The following SHQ1 variants were observed in gnomAD, a reference collection of about 807,000 sequenced individuals.
The protein encoded by SHQ1 is SHQ1, H/ACA ribonucleoprotein assembly factor, also known as protein SHQ1 homolog.
In SHQ1, 49 loss-of-function variants were observed where a neutral mutation model predicts 53.8. The observed-to-expected ratio is 0.91, with a 90% CI of 0.72 to 1.16. SHQ1 has a LOEUF of 1.16. Among genes scored for constraint, SHQ1 ranks in the 50% most tolerant of loss-of-function variants. The pLI, the probability that SHQ1 is intolerant of heterozygous loss-of-function variation, is 0.00. For synonymous variants in SHQ1, 243 were observed against 251.0 expected (o/e 0.97, Z 0.30); for missense variants, 738 against 683.1 (o/e 1.08, Z -0.90).
chr3:72,783,999 C>G (rs142479235), intron 10 of SHQ1, among the ~76,000 whole-genome samples: 1 of 151,956 alleles, frequency 6.6e-6, no homozygotes, highest in Non-Finnish European at 1.5e-5. Flanking sequence ...CATCAATATT[C>G]GTTCATTAAT....
chr3:72,728,515 T>C, the SHQ1 span, among the ~76,000 whole-genome samples: 34 of 152,294 alleles, frequency 2.2e-4, no homozygotes, highest in African/African-American at 8.2e-4. Flanking sequence ...AGTCTACATC[T>C]GAGGCATACC....
intron 9 of SHQ1, among the ~76,000 whole-genome samples, chr3:72,803,172 G>A (rs999268099): frequency 2.0e-5 from 3 of 152,136 alleles, no homozygotes; most frequent in African/African-American, 7.2e-5. Flanking sequence ...GACATGCTAT[G>A]GCTCTTACAG....
At chr3:72,844,764 T>A (rs1450960273) in intron 1 of SHQ1, among the ~76,000 whole-genome samples, 1 of 152,220 alleles carries the variant, frequency 6.6e-6, no homozygotes, top group Non-Finnish European at 1.5e-5. Context: ...TGAAACTTTT[T>A]GAGCACCAAC....
At chr3:72,814,768 C>T (rs1431299432) in intron 8 of SHQ1, among the ~76,000 whole-genome samples, 1 of 151,894 alleles carries the variant, frequency 6.6e-6, no homozygotes, top group African/African-American at 2.4e-5. Context: ...TTTTCAGAAA[C>T]CAGAAACATT....
intron 1 of SHQ1, among the ~76,000 whole-genome samples, chr3:72,847,051 G>C (rs1708358226): frequency 6.6e-6 from 1 of 152,038 alleles, no homozygotes; most frequent in African/African-American, 2.4e-5. Flanking sequence ...CCACAATTAA[G>C]TACACTGTTT....
intron 5 of SHQ1, among the ~76,000 whole-genome samples, chr3:72,825,389 CA>C (rs1559691716): frequency 1.3e-5 from 2 of 151,898 alleles, no homozygotes; most frequent in African/African-American, 2.4e-5. Flanking sequence ...CACACACACA[CA>C]CACACACACC....
chr3:72,836,428 G>T (rs904911076), intron 4 of SHQ1, among the ~76,000 whole-genome samples: 15 of 152,048 alleles, frequency 9.9e-5, no homozygotes, highest in Admixed American at 9.2e-4. Flanking sequence ...GGCGGAGCTT[G>T]CAGTGAGCTG....
At position 72,848,409 on chromosome 3, in the gene SHQ1, TC is replaced by T; in HGVS notation, c.-70del. ...CGCCGCGTTCCCGCCACGCAAACTC[TC>T]CAACTCCCCACGCGCAGGAACTCTC... On this transcript the variant is annotated 5_prime_UTR_variant, in exon 1 of 11. Coordinates refer to ENST00000325599, the MANE Select transcript of SHQ1 (RefSeq NM_018130.3). 6.3e-7 allele frequency: 1 copy of T among 1,584,582 alleles called. No homozygotes were observed. The highest frequency in any genetic ancestry group is 1.8e-4 in the Middle Eastern group (1 of 5,672).
chr3:72,808,841 T>A (rs574793130), intron 9 of SHQ1, among the ~76,000 whole-genome samples: 6 of 152,130 alleles, frequency 3.9e-5, no homozygotes, highest in Admixed American at 6.5e-5. Flanking sequence ...TCCCTTTATT[T>A]TAAAGAGATG....
intron 10 of SHQ1, among the ~76,000 whole-genome samples, chr3:72,786,125 G>C (rs1223631178): frequency 6.6e-6 from 1 of 152,104 alleles, no homozygotes. Context: ...CAATTACTAA[G>C]TCTGTCTCAC....
At chr3:72,733,421 T>C in the SHQ1 span, among the ~76,000 whole-genome samples, 1 of 150,982 alleles carries the variant, frequency 6.6e-6, no homozygotes, top group East Asian at 1.9e-4. Flanking sequence ...GGATACAACC[T>C]AAACAAAATA....
chr3:72,765,059 T>C (rs1705690653), intron 10 of SHQ1, among the ~76,000 whole-genome samples: 1 of 152,214 alleles, frequency 6.6e-6, no homozygotes, highest in Non-Finnish European at 1.5e-5. Flanking sequence ...AGTAAAAAGA[T>C]GCATGGGGCC....
chr3:72,732,908 G>A, the SHQ1 span, among the ~76,000 whole-genome samples: 1 of 151,388 alleles, frequency 6.6e-6, no homozygotes, highest in South Asian at 2.1e-4. Flanking sequence ...TGTTTTAAAG[G>A]GGACAGATGG....
chr3:72,734,498 C>T, the SHQ1 span, among the ~76,000 whole-genome samples: 18 of 151,312 alleles, frequency 1.2e-4, 1 homozygote, highest in African/African-American at 2.4e-4. Context: ...TGAAGTGATC[C>T]GCCCACCTCA....
intron 6 of SHQ1, among the ~76,000 whole-genome samples, chr3:72,824,073 T>TA (rs1438090194): frequency 6.6e-6 from 1 of 152,176 alleles, no homozygotes; most frequent in Non-Finnish European, 1.5e-5. Context: ...CAAATGTCCT[T>TA]ACCAAAGAAG....
chr3:72,822,557 C>T (rs1707509516), intron 6 of SHQ1, among the ~76,000 whole-genome samples: 1 of 152,128 alleles, frequency 6.6e-6, no homozygotes, highest in Non-Finnish European at 1.5e-5. Flanking sequence ...ACTAGCTCAC[C>T]CTGGTGGACA....
the SHQ1 span, among the ~76,000 whole-genome samples, chr3:72,743,646 T>A: frequency 6.6e-6 from 1 of 152,160 alleles, no homozygotes; most frequent in African/African-American, 2.4e-5. Flanking sequence ...TAAAGAGCTG[T>A]CGAGTGTTTG....
At chr3:72,845,334 T>A (rs1708297151) in intron 1 of SHQ1, among the ~76,000 whole-genome samples, 1 of 151,846 alleles carries the variant, frequency 6.6e-6, no homozygotes, top group African/African-American at 2.4e-5. Flanking sequence ...AAATACAAAA[T>A]TAGCCAGGCA....
chr3:72,836,723 T>C (rs1049181581), intron 4 of SHQ1, among the ~76,000 whole-genome samples: 3 of 152,058 alleles, frequency 2.0e-5, no homozygotes, highest in Admixed American at 6.6e-5. Context: ...GGTTTAGAAG[T>C]AGAAGGCATT....
Sources: gnomAD v4.1 joint callset for allele counts (sites outside exome capture counted in the v4.1 genomes callset) on GRCh38, gnomAD v4.1.1 for gene constraint, MANE v1.5 for transcripts, NCBI Gene and HGNC (gene_info 2026-07-23, HGNC 2026-07-21) for gene names.